JARID2: variants seen among roughly 807,000 people sequenced by gnomAD.
The protein encoded by JARID2 is protein Jumonji.
A neutral mutation model predicts 125.6 loss-of-function variants in JARID2; 21 were observed. The ratio of observed to expected loss-of-function variants is 0.17; its 90% CI spans 0.12 to 0.24. JARID2 has a LOEUF of 0.24. Among genes scored for constraint, JARID2 ranks in the 10% least tolerant of loss-of-function variants. The pLI, the probability that JARID2 is intolerant of heterozygous loss-of-function variation, is 1.00. For synonymous variants in JARID2, 736 were observed against 661.6 expected (o/e 1.11, Z -1.73); for missense variants, 1,303 against 1,639.6 (o/e 0.79, Z 3.55).
chr6:15,430,165 T>A (rs1766909636), intron 3 of JARID2, among the ~76,000 whole-genome samples: 1 of 152,242 alleles, frequency 6.6e-6, no homozygotes, highest in Admixed American at 6.5e-5. Flanking sequence ...TAATGTCTTA[T>A]AAGGATGCCA....
intron 2 of JARID2, among the ~76,000 whole-genome samples, chr6:15,384,478 T>A (rs1052947312): frequency 6.6e-6 from 1 of 152,006 alleles, no homozygotes; most frequent in Non-Finnish European, 1.5e-5. Flanking sequence ...CCTTCTTCCC[T>A]TTTTCAATAA....
rs147237582 is a variant in JARID2, at chr6:15,437,990, T to A, written c.324-14016T>A. 9.1e-4 allele frequency among the ~76,000 whole-genome samples: 138 copies of A among 152,284 alleles called. 4 individuals are homozygous for A. In the East Asian group the frequency reaches 0.025, roughly 28 times the overall value. ...GATAGAATATTTTTGTCAGTGTCTG[T>A]TAGTATTGTTTTCCAAACCCACACA... On this transcript the variant is annotated intron_variant, in intron 3 of 17. Transcript: ENST00000341776.
At chr6:15,446,968 C>G (rs1035991234) in intron 3 of JARID2, among the ~76,000 whole-genome samples, 2 of 152,206 alleles carry the variant, frequency 1.3e-5, no homozygotes, top group Admixed American at 6.5e-5. Flanking sequence ...CACCCTTCTC[C>G]TAGTTACTCA....
At chr6:15,313,212 A>G (rs1479245572) in intron 1 of JARID2, among the ~76,000 whole-genome samples, 2 of 152,220 alleles carry the variant, frequency 1.3e-5, no homozygotes, top group Non-Finnish European at 2.9e-5. Context: ...GCAAGGAGCC[A>G]TGGCACCCCA....
chr6:15,327,548 T>C (rs113293421), intron 1 of JARID2, among the ~76,000 whole-genome samples: 15 of 149,360 alleles, frequency 1.0e-4, no homozygotes, highest in East Asian at 1.9e-4. Context: ...TGTGTGTGTG[T>C]GTGCGCGTGT....
chr6:15,361,378 G>A (rs1191089193), intron 1 of JARID2, among the ~76,000 whole-genome samples: 1 of 152,142 alleles, frequency 6.6e-6, no homozygotes, highest in Non-Finnish European at 1.5e-5. Flanking sequence ...GTCTCCAGTG[G>A]TTTCCCATTT....
intron 6 of JARID2, among the ~76,000 whole-genome samples, chr6:15,490,751 T>C (rs1443140683): frequency 1.3e-5 from 2 of 152,268 alleles, no homozygotes; most frequent in African/African-American, 4.8e-5. Flanking sequence ...TGACAGAAAG[T>C]AACAAGTTTA....
chr6:15,404,401 G>T (rs1765563418), intron 2 of JARID2, among the ~76,000 whole-genome samples: 1 of 152,070 alleles, frequency 6.6e-6, no homozygotes, highest in Admixed American at 6.5e-5. Flanking sequence ...AAACTTGAGT[G>T]AACATAACAT....
At chr6:15,408,447 G>C (rs1400463119) in intron 2 of JARID2, among the ~76,000 whole-genome samples, 1 of 152,068 alleles carries the variant, frequency 6.6e-6, no homozygotes, top group East Asian at 1.9e-4. Context: ...TCTAATCTCA[G>C]TTAAATGTCG....
intron 1 of JARID2, among the ~76,000 whole-genome samples, chr6:15,309,264 A>C (rs945256616): frequency 2.0e-5 from 3 of 152,018 alleles, no homozygotes; most frequent in African/African-American, 7.2e-5. Context: ...TCTTTTATGA[A>C]GGTTTCAGGT....
chr6:15,434,898 T>C (rs1322821433), intron 3 of JARID2, among the ~76,000 whole-genome samples: 1 of 152,226 alleles, frequency 6.6e-6, no homozygotes, highest in Non-Finnish European at 1.5e-5. Flanking sequence ...TTTCCTTCAA[T>C]AGAAAAATGG....
chr6:15,443,747 G>A (rs1473754402), intron 3 of JARID2, among the ~76,000 whole-genome samples: 1 of 151,932 alleles, frequency 6.6e-6, no homozygotes, highest in African/African-American at 2.4e-5. Flanking sequence ...CAGAAGCTTG[G>A]AGCTAGAGAG....
At chr6:15,510,577 C>T (rs1771228229) in intron 12 of JARID2, among the ~76,000 whole-genome samples, 1 of 152,220 alleles carries the variant, frequency 6.6e-6, no homozygotes, top group African/African-American at 2.4e-5. Flanking sequence ...CTTCCCCAGG[C>T]CACCCTCTGA....
At chr6:15,507,088 G>T in intron 9 of JARID2, 48 bp from the exon 10 acceptor site, 1 of 1,212,136 alleles carries the variant, frequency 8.2e-7, no homozygotes, top group East Asian at 2.3e-5. Context: ...GTGCTCTGTG[G>T]CTGCAGCACC....
At chr6:15,249,855 C>T (rs1406323742) in intron 1 of JARID2, among the ~76,000 whole-genome samples, 1 of 152,176 alleles carries the variant, frequency 6.6e-6, no homozygotes, top group Non-Finnish European at 1.5e-5. Flanking sequence ...GAGCACGACT[C>T]CCACTGCAAT....
At chr6:15,514,693 TCTC>T (rs1771461421) in intron 16 of JARID2, among the ~76,000 whole-genome samples, 1 of 152,200 alleles carries the variant, frequency 6.6e-6, no homozygotes, top group South Asian at 2.1e-4. Flanking sequence ...TGTGTCCTCA[TCTC>T]CTCCTTACCT....
intron 1 of JARID2, among the ~76,000 whole-genome samples, chr6:15,353,895 T>C (rs1263156027): frequency 2.0e-5 from 3 of 152,228 alleles, no homozygotes; most frequent in Non-Finnish European, 4.4e-5. Context: ...TGATCTTTTA[T>C]GTACAGTAAA....
At chr6:15,380,489 C>A (rs184392283) in intron 2 of JARID2, among the ~76,000 whole-genome samples, 1 of 152,168 alleles carries the variant, frequency 6.6e-6, no homozygotes, top group Non-Finnish European at 1.5e-5. Flanking sequence ...TCTCTTCAGT[C>A]AGACACACAG....
intron 1 of JARID2, among the ~76,000 whole-genome samples, chr6:15,308,839 G>C (rs1416932685): frequency 1.3e-5 from 2 of 152,188 alleles, no homozygotes; most frequent in Non-Finnish European, 2.9e-5. Context: ...ACAGTAAATA[G>C]GCTGTGTGCT....
Sources: gnomAD v4.1 joint callset for allele counts (sites outside exome capture counted in the v4.1 genomes callset) on GRCh38, gnomAD v4.1.1 for gene constraint, MANE v1.5 for transcripts, NCBI Gene and HGNC (gene_info 2026-07-23, HGNC 2026-07-21) for gene names.